Variants in TRPM3 observed in about 807,000 individuals in gnomAD.
The protein encoded by TRPM3 is long transient receptor potential channel 3.
TRPM3 carries 77 observed loss-of-function variants against 181.2 expected under a neutral mutation model. The observed-to-expected ratio is 0.42, with a 90% CI of 0.35 to 0.51. The LOEUF (loss-of-function observed/expected upper bound fraction) is 0.51. TRPM3 is among the 20% of genes least tolerant of loss of function. The pLI is 0.01. For synonymous variants in TRPM3, 745 were observed against 796.4 expected, an observed-to-expected ratio of 0.94 and a Z score of 1.09; for missense variants, 1,759 against 2,196.7, an observed-to-expected ratio of 0.80 and a Z score of 3.98.
rs1203087066 is a variant in TRPM3 at position 71,422,099 on chromosome 9, T to A, written c.183+24554A>T. ...TATGAAATATACATGTTAATAAACT[T>A]CTGTTTGGTTTTCTCTTGTTAACTT... On this transcript the variant is annotated intron_variant, in intron 1 of 24. Coordinates refer to the TRPM3 transcript ENST00000357533. 2.0e-5 allele frequency among the ~76,000 whole-genome samples: 3 copies of A among 152,032 alleles called. No individual in the cohort carries two copies. The East Asian group carries it at 5.8e-4, about 29-fold the overall frequency.
chr9:70,540,191 T>C (rs868805674), intron 25 of TRPM3, among the ~76,000 whole-genome samples: 3 of 152,222 alleles, frequency 2.0e-5, no homozygotes, highest in South Asian at 2.1e-4. Flanking sequence ...CAGAGGAGGA[T>C]AGATCATGCA....
intron 7 of TRPM3, among the ~76,000 whole-genome samples, chr9:70,771,280 A>C (rs1002172582): frequency 3.9e-5 from 6 of 152,216 alleles, no homozygotes; most frequent in Non-Finnish European, 8.8e-5. Flanking sequence ...GTTTTAGAGC[A>C]ACCATTCTAT....
intron 1 of TRPM3, among the ~76,000 whole-genome samples, chr9:70,966,359 G>T (rs1389524164): frequency 6.6e-6 from 1 of 151,976 alleles, no homozygotes; most frequent in Non-Finnish European, 1.5e-5. Flanking sequence ...CTTAGAAACA[G>T]AATTACCATT....
At chr9:71,025,652 T>C (rs1487022660) in intron 1 of TRPM3, among the ~76,000 whole-genome samples, 1 of 152,220 alleles carries the variant, frequency 6.6e-6, no homozygotes, top group Non-Finnish European at 1.5e-5. Context: ...GGAGGGCAGG[T>C]AACTCTGTTC....
intron 20 of TRPM3, among the ~76,000 whole-genome samples, chr9:70,601,375 G>A (rs2059912071): frequency 6.6e-6 from 1 of 152,162 alleles, no homozygotes; most frequent in Non-Finnish European, 1.5e-5. Context: ...CCTTCCTTTT[G>A]TGTATCCCTG....
intron 1 of TRPM3, among the ~76,000 whole-genome samples, chr9:71,095,530 G>C (rs1421098725): frequency 6.6e-6 from 1 of 152,198 alleles, no homozygotes; most frequent in Admixed American, 6.5e-5. Context: ...AGGCCAAGGA[G>C]GGTGGATCAG....
chr9:70,843,133 A>C lies in TRPM3; in HGVS notation c.677-6T>G. 6.3e-7 allele frequency: 1 copy of C among 1,596,026 alleles called. No homozygotes were observed. The highest frequency in any genetic ancestry group is 8.5e-7 in the Non-Finnish European group (1 of 1,175,424). On this transcript the variant is annotated splice_polypyrimidine_tract_variant and splice_region_variant and intron_variant, in intron 4 of 25. Coordinates refer to ENST00000677713, the MANE Select transcript of TRPM3 (RefSeq NM_001366145.2). Reference sequence around the variant, plus strand: ...GCCAACATGACGAATAACACCTAAAAAAAAAAGAGAAGCATTGATTTTTTC... The same window carrying C: ...GCCAACATGACGAATAACACCTAAACAAAAAAGAGAAGCATTGATTTTTTC...
intron 1 of TRPM3, among the ~76,000 whole-genome samples, chr9:71,149,011 G>C (rs185786085): frequency 2.6e-5 from 4 of 152,258 alleles, no homozygotes; most frequent in Admixed American, 2.6e-4. Flanking sequence ...AGCATACATA[G>C]AGATATATGC....
chr9:70,893,841 G>C (rs1390550921), intron 1 of TRPM3, among the ~76,000 whole-genome samples: 2 of 152,058 alleles, frequency 1.3e-5, no homozygotes, highest in Non-Finnish European at 2.9e-5. Context: ...TCCCATAGAA[G>C]GCCTAAGACA....
intron 1 of TRPM3, among the ~76,000 whole-genome samples, chr9:71,016,165 G>C (rs556364472): frequency 1.3e-5 from 2 of 150,600 alleles, no homozygotes; most frequent in South Asian, 4.2e-4. Context: ...AAATTCTGAA[G>C]ATATTACCAA....
At chr9:70,877,804 A>AACACACACACAAAC (rs1554756944) in intron 1 of TRPM3, among the ~76,000 whole-genome samples, 4 of 146,112 alleles carry the variant, frequency 2.7e-5, no homozygotes, top group African/African-American at 1.0e-4. Context: ...AAAATCATAA[A>AACACACACACAAAC]ACACACACAC....
chr9:71,114,322 G>A (rs1055315840), intron 1 of TRPM3, among the ~76,000 whole-genome samples: 1 of 152,114 alleles, frequency 6.6e-6, no homozygotes, highest in Non-Finnish European at 1.5e-5. Context: ...TCTTCTGTGT[G>A]ATAAACATAA....
At chr9:70,888,858 T>C (rs13289287) in intron 1 of TRPM3, among the ~76,000 whole-genome samples, 30,998 of 152,086 alleles carry the variant, frequency 0.2, 3,378 homozygotes, top group East Asian at 0.36. Context: ...CCTGGAAGAT[T>C]AGACATATGC....
At chr9:70,782,494 G>A (rs931957477) in intron 7 of TRPM3, among the ~76,000 whole-genome samples, 5 of 152,198 alleles carry the variant, frequency 3.3e-5, no homozygotes. Flanking sequence ...TTATAGGCAT[G>A]AGCCTCTGTG....
At chr9:71,359,755 T>C (rs955587931) in intron 1 of TRPM3, among the ~76,000 whole-genome samples, 4 of 152,186 alleles carry the variant, frequency 2.6e-5, no homozygotes, top group African/African-American at 9.6e-5. Context: ...ATTCAAATTC[T>C]GGGTGTCCCA....
At chr9:71,207,643 T>C (rs2079206069) in intron 1 of TRPM3, among the ~76,000 whole-genome samples, 1 of 152,160 alleles carries the variant, frequency 6.6e-6, no homozygotes, top group African/African-American at 2.4e-5. Flanking sequence ...GTACTATAAA[T>C]TCTCCACACA....
At chr9:70,858,297 AC>A (rs2095437495) in intron 3 of TRPM3, among the ~76,000 whole-genome samples, 1 of 152,126 alleles carries the variant, frequency 6.6e-6, no homozygotes. Context: ...TGAAAAATTA[AC>A]CATGCCTTCC....
chr9:71,325,756 C>CCA (rs112291932), intron 1 of TRPM3, among the ~76,000 whole-genome samples: 3,813 of 149,856 alleles, frequency 0.025, 63 homozygotes, highest in Middle Eastern at 0.084. Context: ...ACCCACCCAC[C>CCA]CACACACACA....
chr9:70,993,763 C>T (rs367807064), intron 1 of TRPM3, among the ~76,000 whole-genome samples: 4 of 122,054 alleles, frequency 3.3e-5, no homozygotes, highest in African/African-American at 1.3e-4. Flanking sequence ...CTGGCCTGGG[C>T]GACAGAGTGA....
Sources: gnomAD v4.1 joint callset for allele counts (sites outside exome capture counted in the v4.1 genomes callset) on GRCh38, gnomAD v4.1.1 for gene constraint, MANE v1.5 for transcripts, NCBI Gene and HGNC (gene_info 2026-07-23, HGNC 2026-07-21) for gene names.